Variants in ARID4B observed in about 807,000 individuals in gnomAD.
ARID4B encodes AT-rich interactive domain-containing protein 4B.
A neutral mutation model predicts 147.5 loss-of-function variants in ARID4B; 26 were observed. The ratio of observed to expected loss-of-function variants is 0.18; its 90% CI spans 0.13 to 0.24. The LOEUF (loss-of-function observed/expected upper bound fraction) is 0.24. Among genes scored for constraint, ARID4B ranks in the 10% least tolerant of loss-of-function variants. The pLI, the probability that ARID4B is intolerant of heterozygous loss-of-function variation, is 1.00. For synonymous variants in ARID4B, 512 were observed against 507.9 expected (o/e 1.01, Z -0.11); for missense variants, 1,179 against 1,511.5 (o/e 0.78, Z 3.65).
chr1:235,225,057 T>G (rs1667735249), intron 11 of ARID4B, among the ~76,000 whole-genome samples: 1 of 116,150 alleles, frequency 8.6e-6, no homozygotes, highest in Non-Finnish European at 1.9e-5. Context: ...TTCGTGGTTT[T>G]GTTTTGTTTT....
At chr1:235,193,714 T>A (rs1456743609) in intron 19 of ARID4B, among the ~76,000 whole-genome samples, 4 of 152,196 alleles carry the variant, frequency 2.6e-5, no homozygotes. Flanking sequence ...TCCAAAATCA[T>A]ACACTTTTTG....
chr1:235,279,170 G>T (rs1671516131), intron 2 of ARID4B, among the ~76,000 whole-genome samples: 1 of 152,110 alleles, frequency 6.6e-6, no homozygotes, highest in Non-Finnish European at 1.5e-5. Context: ...AGCATTTTGT[G>T]TCTTAACAAG....
chr1:235,175,560 A>G, intron 21 of ARID4B, 161 bp from the exon 22 acceptor site: 1 of 620,658 alleles, frequency 1.6e-6, no homozygotes, highest in Non-Finnish European at 2.8e-6. Context: ...CATCTTAGGA[A>G]AAGCAAAAAC....
intron 10 of ARID4B, 46 bp from the exon 11 acceptor site, chr1:235,229,431 T>C (rs781310328): frequency 7.5e-6 from 10 of 1,337,612 alleles, no homozygotes; most frequent in Non-Finnish European, 9.5e-6. Context: ...ATTAAGACAA[T>C]TGTTTTCTCA....
At chr1:235,191,586 C>A (rs1236580049) in intron 19 of ARID4B, among the ~76,000 whole-genome samples, 2 of 152,042 alleles carry the variant, frequency 1.3e-5, no homozygotes, top group African/African-American at 4.8e-5. Flanking sequence ...CTGTAGTGGA[C>A]CCCTAGGTTT....
intron 2 of ARID4B, among the ~76,000 whole-genome samples, chr1:235,282,268 T>G (rs752129379): frequency 6.6e-5 from 10 of 152,190 alleles, no homozygotes; most frequent in Non-Finnish European, 7.3e-5. Flanking sequence ...TTTTACATGG[T>G]CTCAGAAACC....
chr1:235,251,486 G>T (rs373561331), intron 6 of ARID4B, among the ~76,000 whole-genome samples: 2 of 152,000 alleles, frequency 1.3e-5, no homozygotes, highest in Non-Finnish European at 2.9e-5. Context: ...CAGAGAACCT[G>T]TCCAAATTCT....
At chr1:235,193,639 C>A (rs1345215464) in intron 19 of ARID4B, among the ~76,000 whole-genome samples, 1 of 152,108 alleles carries the variant, frequency 6.6e-6, no homozygotes, top group East Asian at 1.9e-4. Context: ...AAATTTGAGG[C>A]CTCAATCAAT....
At chr1:235,229,118 T>G in intron 11 of ARID4B, 113 bp downstream of exon 11, 1 of 1,229,376 alleles carries the variant, frequency 8.1e-7, no homozygotes, top group Non-Finnish European at 1.1e-6. Context: ...TTATGAAATA[T>G]TTCTCATACT....
chr1:235,215,573 GTGTGTGTATA>G (rs1459199011), intron 16 of ARID4B, among the ~76,000 whole-genome samples: 5 of 146,016 alleles, frequency 3.4e-5, no homozygotes, highest in Non-Finnish European at 1.5e-5. Context: ...GTGTGTGTGT[GTGTGTGTATA>G]TATTTTTCCC....
intron 2 of ARID4B, among the ~76,000 whole-genome samples, chr1:235,262,865 AATGT>A (rs1268935189): frequency 1.3e-5 from 2 of 152,244 alleles, no homozygotes; most frequent in African/African-American, 4.8e-5. Context: ...AGTGATAATG[AATGT>A]GTTTGTTAAT....
At chr1:235,229,115 A>G in intron 11 of ARID4B, 116 bp downstream of exon 11, 1 of 1,206,764 alleles carries the variant, frequency 8.3e-7, no homozygotes, top group Non-Finnish European at 1.1e-6. Context: ...AGATTATGAA[A>G]TATTTCTCAT....
At chr1:235,186,043 C>A (rs1358590372) in intron 19 of ARID4B, among the ~76,000 whole-genome samples, 1 of 149,902 alleles carries the variant, frequency 6.7e-6, no homozygotes, top group Non-Finnish European at 1.5e-5. Flanking sequence ...AATCTCAGTT[C>A]ACTGCAACCT....
chr1:235,265,128 G>A (rs1572108508), intron 2 of ARID4B, among the ~76,000 whole-genome samples: 2 of 151,476 alleles, frequency 1.3e-5, no homozygotes, highest in African/African-American at 4.9e-5. Flanking sequence ...CACTTTGGGA[G>A]GCTGAGGCAG....
chr1:235,188,975 C>A (rs888805797), intron 19 of ARID4B, among the ~76,000 whole-genome samples: 4 of 151,974 alleles, frequency 2.6e-5, no homozygotes, highest in Admixed American at 6.6e-5. Context: ...ACTGAAAAAA[C>A]CAAAAATTAT....
At chr1:235,186,732 T>C (rs1166744965) in intron 19 of ARID4B, among the ~76,000 whole-genome samples, 1 of 151,294 alleles carries the variant, frequency 6.6e-6, no homozygotes, top group African/African-American at 2.4e-5. Context: ...ATTTTTTGTT[T>C]TTGTTTTTTT....
At chr1:235,169,605 G>A (rs1334928646) in intron 23 of ARID4B, among the ~76,000 whole-genome samples, 2 of 151,336 alleles carry the variant, frequency 1.3e-5, no homozygotes, top group African/African-American at 4.9e-5. Context: ...GTGCGATCTC[G>A]GCTCACTGCA....
At chr1:235,215,165 T>C (rs923103545) in intron 16 of ARID4B, among the ~76,000 whole-genome samples, 1 of 152,114 alleles carries the variant, frequency 6.6e-6, no homozygotes, top group Non-Finnish European at 1.5e-5. Flanking sequence ...TTTTATCTTC[T>C]TAGTACCATG....
At chr1:235,240,075 G>C (rs1400550827) in intron 8 of ARID4B, among the ~76,000 whole-genome samples, 2 of 152,080 alleles carry the variant, frequency 1.3e-5, no homozygotes, top group East Asian at 3.9e-4. Flanking sequence ...TACCGAGAGA[G>C]AGAGAATTCA....
Sources: allele counts gnomAD v4.1 joint callset (sites outside exome capture counted in the v4.1 genomes callset), GRCh38; gene constraint gnomAD v4.1.1; transcripts MANE v1.5; gene names NCBI Gene and HGNC (gene_info 2026-07-23, HGNC 2026-07-21).